Variants in TUBB6 observed in about 807,000 individuals in gnomAD.
TUBB6 encodes the protein tubulin beta 6 class V, also known as tubulin beta-6 chain.
A neutral mutation model predicts 32.3 loss-of-function variants in TUBB6; 18 were observed. The ratio of observed to expected loss-of-function variants is 0.56; its 90% CI spans 0.39 to 0.83. TUBB6 has a LOEUF of 0.83. TUBB6 is among the 40% of genes least tolerant of loss of function. TUBB6 has a pLI of 0.00. For synonymous variants in TUBB6, 280 were observed against 265.8 expected (o/e 1.05, Z -0.52); for missense variants, 480 against 632.0 (o/e 0.76, Z 2.58).
At position 12,326,160 on chromosome 18, in the gene TUBB6, TACA is replaced by T; in HGVS notation, c.*34_*36del. 6.3e-7 allele frequency: 1 copy of T among 1,587,070 alleles called. No homozygotes were observed. Among genetic ancestry groups the T allele is most frequent in the Non-Finnish European group, 8.6e-7 (1 of 1,165,698 alleles). ...AATAGAGCCGCCCCAACTCAGATCC[TACA>T]ACACGCAAGTTCCTTCTTGAACCCT... On this transcript the variant is annotated 3_prime_UTR_variant, in exon 4 of 4. Coordinates refer to ENST00000317702, the MANE Select transcript of TUBB6 (RefSeq NM_032525.3).
intron 3 of TUBB6, among the ~76,000 whole-genome samples, chr18:12,323,863 T>G: frequency 6.6e-6 from 1 of 152,094 alleles, no homozygotes; most frequent in East Asian, 1.9e-4. Context: ...TCTTGTTACT[T>G]GAACTCTGCA....
chr18:12,328,972 T>C (rs1907421869), downstream of TUBB6: 1 of 572,946 alleles, frequency 1.7e-6, no homozygotes, highest in African/African-American at 1.9e-5. Context: ...GTGTTGACAT[T>C]TTATTTTTTA....
In TUBB6 at chr18:12,308,802, A is replaced by T; in HGVS notation, c.166+7A>T. On this transcript the variant is annotated splice_region_variant and intron_variant, in intron 2 of 3. Transcript: ENST00000317702. ...TACTACAATGAGTCATCGTGTGAGT[A>T]GCAAGGCCGCCGCGCCCTGCCCGGC... is the stretch of plus-strand genomic sequence containing the variant. 6 of 1,570,702 alleles carry T rather than the reference A, an allele frequency of 3.8e-6. No homozygotes were observed. The highest frequency in any genetic ancestry group is 5.3e-6 in the Non-Finnish European group (6 of 1,141,220).
downstream of TUBB6, among the ~76,000 whole-genome samples, chr18:12,328,601 C>T (rs113410282): frequency 1.6e-4 from 24 of 152,320 alleles, 1 homozygote; most frequent in Admixed American, 3.9e-4. Context: ...ATCCAGGTGA[C>T]GGCTCAGGTC....
intron 2 of TUBB6, among the ~76,000 whole-genome samples, chr18:12,310,414 C>T (rs369400170): frequency 1.2e-4 from 18 of 151,602 alleles, no homozygotes; most frequent in African/African-American, 4.4e-4. Flanking sequence ...TGGCATGAAC[C>T]CAGGAGGCGG....
chr18:12,325,266 C>T lies in TUBB6; in HGVS notation c.477C>T (p.Phe159=), dbSNP rs778271923. Residue 159 remains phenylalanine, a synonymous_variant, in exon 4 of 4, where the codon TTC becomes TTT. Coordinates refer to ENST00000317702, the MANE Select transcript of TUBB6 (RefSeq NM_032525.3). ...TCATCAGCAAGATCCGTGAGGAGTT[C>T]CCGGACCGCATCATGAACACCTTCA... ...TLLISKIREE[F]PDRIMNTFSV... 1.2e-6 allele frequency: 2 copies of T among 1,614,182 alleles called. No individual in the cohort carries two copies. The highest frequency in any genetic ancestry group is 8.5e-7 in the Non-Finnish European group (1 of 1,180,034).
chr18:12,308,244 T>C lies in TUBB6; in HGVS notation c.-49T>C. ...GGGACGCGCGCAGCCGGCCCGCAGT[T>C]GCCGCTGTCGTCCGCAGAGCCAGTT... On this transcript the variant is annotated 5_prime_UTR_variant, in exon 1 of 4. Coordinates refer to ENST00000317702, the MANE Select transcript of TUBB6 (RefSeq NM_032525.3). 1.5e-6 allele frequency: 2 copies of C among 1,336,662 alleles called. No individual in the cohort carries two copies. The highest frequency in any genetic ancestry group is 9.7e-7 in the Non-Finnish European group (1 of 1,033,250). The allele number at this position is 1,336,662 out of a possible 1,614,324, so 82.8% of individuals were successfully genotyped here. A position where few individuals can be genotyped will look rare whatever the true frequency, so the allele number is the denominator to read the frequency against.
intron 3 of TUBB6, among the ~76,000 whole-genome samples, chr18:12,322,565 G>C (rs1907045921): frequency 6.6e-6 from 1 of 152,010 alleles, no homozygotes. Context: ...ATGTTGCCCA[G>C]GCTTGAAAAT....
At chr18:12,328,123 A>G (rs1907396849), downstream of TUBB6, among the ~76,000 whole-genome samples, 1 of 152,232 alleles carries the variant, frequency 6.6e-6, no homozygotes, top group Admixed American at 6.5e-5. Flanking sequence ...TGAGCTGTGG[A>G]GTCCAAACAG....
intron 3 of TUBB6, among the ~76,000 whole-genome samples, chr18:12,314,994 A>C (rs1011655609): frequency 6.6e-6 from 1 of 151,886 alleles, no homozygotes; most frequent in Non-Finnish European, 1.5e-5. Flanking sequence ...TAATATAACC[A>C]CACTCTTAAA....
intron 3 of TUBB6, 33 bp downstream of exon 3, chr18:12,311,086 C>G (rs746894606): frequency 6.6e-7 from 1 of 1,522,954 alleles, no homozygotes; most frequent in Non-Finnish European, 9.0e-7. Flanking sequence ...TCTTCTTCTT[C>G]TTTTATTTTT....
Position 12,309,794 on chromosome 18 carries a change from C to G in TUBB6, c.166+999C>G, listed in dbSNP as rs1906258988. 3.9e-5 allele frequency among the ~76,000 whole-genome samples: 6 copies of G among 152,294 alleles called. No individual in the cohort carries two copies. The South Asian group carries it at 1.2e-3, about 32-fold the overall frequency. On this transcript the variant is annotated intron_variant, in intron 2 of 3. Transcript: ENST00000317702. ...ACCGTGTCCTCACCGGGAACAAGTTCTAGCCCAATTGGCATGAAATTTCCA... is the reference window on the plus strand; with the variant it reads ...ACCGTGTCCTCACCGGGAACAAGTTGTAGCCCAATTGGCATGAAATTTCCA...
rs775559623 is a variant in TUBB6 at position 12,325,317 on chromosome 18, G to A, written c.528G>A (p.Ser176=). ...TFSVMPSPKV[S]DTVVEPYNAT... ...GCGTCATGCCCTCGCCCAAGGTGTC[G>A]GACACGGTGGTGGAGCCCTACAATG... The change falls in exon 4 of 4, where the codon TCG becomes TCA. Residue 176 remains serine, a synonymous_variant. Coordinates refer to ENST00000317702, the MANE Select transcript of TUBB6 (RefSeq NM_032525.3). 29 of 1,614,200 alleles carry A rather than the reference G, an allele frequency of 1.8e-5. No individual in the cohort carries two copies. Among genetic ancestry groups the A allele is most frequent in the Non-Finnish European group, 2.2e-5 (26 of 1,180,022 alleles).
In TUBB6 at chr18:12,314,185, G is replaced by GC. The variant is rs569218620; in HGVS notation, c.277+3133dup. On this transcript the variant is annotated intron_variant, in intron 3 of 3. Coordinates refer to ENST00000317702, the MANE Select transcript of TUBB6 (RefSeq NM_032525.3). ...GACCCTAGCTCTGTGCCCGCTGGCA[G>GC]CATCAGTTCCCTTCTCTGGGGGTCT... is the stretch of plus-strand genomic sequence containing the variant. Among the ~76,000 whole-genome samples the GC allele has an allele frequency of 3.7e-4, 57 of 152,206 alleles. No homozygotes were observed. In the South Asian group the frequency reaches 0.011, roughly 28 times the overall value.
intron 3 of TUBB6, among the ~76,000 whole-genome samples, chr18:12,322,420 T>C (rs1907039714): frequency 6.6e-6 from 1 of 151,444 alleles, no homozygotes; most frequent in Admixed American, 6.6e-5. Context: ...TGTAGCACAA[T>C]CTTGGCTCAC....
At chr18:12,309,342 G>C (rs987854269) in intron 2 of TUBB6, among the ~76,000 whole-genome samples, 1 of 150,098 alleles carries the variant, frequency 6.7e-6, no homozygotes, top group African/African-American at 2.5e-5. Context: ...GACAGAGCGA[G>C]ACCCTGTTAG....
At chr18:12,329,826 A>G (rs138768419), downstream of TUBB6, 1 of 1,525,954 alleles carries the variant, frequency 6.6e-7, no homozygotes, top group African/African-American at 1.4e-5. Context: ...TACTCAGCAA[A>G]GTCTATTCAG....
downstream of TUBB6, chr18:12,329,406 G>A (rs1266656985): frequency 5.0e-6 from 4 of 796,716 alleles, no homozygotes; most frequent in Admixed American, 4.1e-5. Context: ...TGTGACCTCT[G>A]AGGCTGAAAG....
At chr18:12,324,992 T>A (rs370583249) in intron 3 of TUBB6, 75 bp from the exon 4 acceptor site, 1 of 1,521,142 alleles carries the variant, frequency 6.6e-7, no homozygotes. Context: ...CTTCACACCC[T>A]CCTTGTCGGT....
Sources: gnomAD v4.1 joint callset for allele counts (sites outside exome capture counted in the v4.1 genomes callset) on GRCh38, gnomAD v4.1.1 for gene constraint, MANE v1.5 for transcripts, NCBI Gene and HGNC (gene_info 2026-07-23, HGNC 2026-07-21) for gene names.